ZFAND6: variants seen among roughly 807,000 people sequenced by gnomAD.
ZFAND6 encodes the protein zinc finger AN1-type containing 6.
Under a neutral mutation model 24.5 loss-of-function variants are expected in ZFAND6, and 12 were observed. That is an observed-to-expected ratio of 0.49 (90% CI 0.31 to 0.79). The LOEUF is 0.79. ZFAND6 is among the 30% of genes least tolerant of loss of function. The probability of loss-of-function intolerance (pLI) is 0.04; values close to 1 mark genes in which losing one functional copy is unlikely to be tolerated. For missense variants in ZFAND6, 207 were observed against 245.9 expected (o/e 0.84, Z 1.06); for synonymous variants, 92 against 81.5 (o/e 1.13, Z -0.69).
At position 80,138,036 on chromosome 15, in the gene ZFAND6, A is replaced by C. The variant is rs1567107978; in HGVS notation, c.*408A>C. 1 of 155,268 alleles carries C rather than the reference A, an allele frequency of 6.4e-6. No individual in the cohort carries two copies. The highest frequency in any genetic ancestry group is 1.4e-5 in the Non-Finnish European group (1 of 69,904). 9.6% of individuals were successfully genotyped at this position (155,268 alleles called of 1,614,324 possible). On this transcript the variant is annotated 3_prime_UTR_variant, in exon 7 of 7. Transcript: ENST00000261749. ...CTTTTGATAATGCCCTTTAGGGCAC[A>C]ACTAGTTATCAGTAACTGAATGTAT...
At chr15:80,087,492 A>G (rs2038075530) in intron 1 of ZFAND6, among the ~76,000 whole-genome samples, 1 of 152,184 alleles carries the variant, frequency 6.6e-6, no homozygotes, top group Non-Finnish European at 1.5e-5. Flanking sequence ...TCCTTTTCCC[A>G]GCACGTTTAT....
intron 1 of ZFAND6, among the ~76,000 whole-genome samples, chr15:80,080,842 G>A (rs1054211594): frequency 6.6e-6 from 1 of 152,176 alleles, no homozygotes. Context: ...GGGGTGCGGA[G>A]AGGTACCACA....
intron 2 of ZFAND6, among the ~76,000 whole-genome samples, chr15:80,112,225 G>A (rs1444491307): frequency 1.3e-5 from 2 of 152,010 alleles, no homozygotes; most frequent in African/African-American, 2.4e-5. Flanking sequence ...GCGCCACTGC[G>A]CTCCAGCCTG....
intron 1 of ZFAND6, among the ~76,000 whole-genome samples, chr15:80,080,428 G>T (rs1234372850): frequency 6.6e-6 from 1 of 152,110 alleles, no homozygotes; most frequent in Non-Finnish European, 1.5e-5. Context: ...GCTGTGTTTT[G>T]TCCTATACAT....
chr15:80,127,580 A>T, intron 5 of ZFAND6, among the ~76,000 whole-genome samples: 1 of 125,260 alleles, frequency 8.0e-6, no homozygotes, highest in Admixed American at 9.2e-5. Flanking sequence ...AAAGGGCAAA[A>T]CTCCATCTCA....
intron 1 of ZFAND6, among the ~76,000 whole-genome samples, chr15:80,083,433 TTTATA>T (rs1474440859): frequency 9.2e-5 from 14 of 152,292 alleles, no homozygotes; most frequent in African/African-American, 3.1e-4. Context: ...ATGCAGAGAA[TTTATA>T]TTAAATGATA....
chr15:80,105,328 C>T (rs1288849431), intron 2 of ZFAND6, among the ~76,000 whole-genome samples: 1 of 152,128 alleles, frequency 6.6e-6, no homozygotes, highest in African/African-American at 2.4e-5. Context: ...GAGGCCTATT[C>T]ACAGATCTCC....
At chr15:80,070,649 T>C (rs1335498562) in intron 1 of ZFAND6, among the ~76,000 whole-genome samples, 1 of 151,932 alleles carries the variant, frequency 6.6e-6, no homozygotes, top group African/African-American at 2.4e-5. Context: ...AGATGGAGAG[T>C]GGTCTTGGTG....
At chr15:80,072,261 T>C (rs2037021222) in intron 1 of ZFAND6, among the ~76,000 whole-genome samples, 1 of 152,146 alleles carries the variant, frequency 6.6e-6, no homozygotes, top group African/African-American at 2.4e-5. Flanking sequence ...ATTAAAAGCA[T>C]TGTATTTTAA....
chr15:80,135,888 C>T (rs1480852749), intron 6 of ZFAND6, among the ~76,000 whole-genome samples: 1 of 152,226 alleles, frequency 6.6e-6, no homozygotes, highest in Non-Finnish European at 1.5e-5. Context: ...CACTGGGAGG[C>T]CAAGGTGGGA....
At chr15:80,086,909 A>G (rs1427577437) in intron 1 of ZFAND6, among the ~76,000 whole-genome samples, 2 of 152,242 alleles carry the variant, frequency 1.3e-5, no homozygotes, top group African/African-American at 4.8e-5. Context: ...GTGGAATCAT[A>G]CAATATCTGT....
intron 2 of ZFAND6, 62 bp downstream of exon 2, chr15:80,098,640 T>A (rs1019402716): frequency 5.3e-5 from 8 of 152,262 alleles, no homozygotes; most frequent in South Asian, 2.1e-4. Flanking sequence ...ATTTTTTTTT[T>A]AATTTAAAAT....
intron 2 of ZFAND6, among the ~76,000 whole-genome samples, chr15:80,117,124 CA>C (rs1310079053): frequency 3.9e-5 from 6 of 152,118 alleles, no homozygotes; most frequent in African/African-American, 1.4e-4. Context: ...AGATGCTTGT[CA>C]AGGTTTTTTT....
Position 80,095,658 on chromosome 15 carries a change from T to C in ZFAND6, c.-180-2758T>C, listed in dbSNP as rs141501270. Among the ~76,000 whole-genome samples, 537 of 152,338 alleles carry C rather than the reference T, an allele frequency of 3.5e-3. 2 individuals carry two copies. The highest frequency in any genetic ancestry group is 6.0e-3 in the South Asian group (29 of 4,826). On this transcript the variant is annotated intron_variant, in intron 1 of 6. Transcript: ENST00000261749. Reference sequence around the variant, plus strand: ...AGCTCAGTACCATAGTAGGAACCGCTTTGAGCTGTTGGATTCTTTAGCATT... The same window carrying C: ...AGCTCAGTACCATAGTAGGAACCGCCTTGAGCTGTTGGATTCTTTAGCATT...
intron 1 of ZFAND6, among the ~76,000 whole-genome samples, chr15:80,083,819 G>T (rs2037828740): frequency 6.6e-6 from 1 of 152,160 alleles, no homozygotes; most frequent in Non-Finnish European, 1.5e-5. Flanking sequence ...CTCAGATCAT[G>T]CCATTGCACT....
upstream of ZFAND6, among the ~76,000 whole-genome samples, chr15:80,059,406 G>A (rs1341766884): frequency 6.6e-6 from 1 of 152,246 alleles, no homozygotes; most frequent in Non-Finnish European, 1.5e-5. Flanking sequence ...GCGCCCCAGA[G>A]AGGGCAGTGG....
At chr15:80,126,516 A>G (rs2142034081) in intron 5 of ZFAND6, among the ~76,000 whole-genome samples, 1 of 152,338 alleles carries the variant, frequency 6.6e-6, no homozygotes, top group South Asian at 2.1e-4. Flanking sequence ...ACTTTCAACA[A>G]TGGTGCCAAA....
At chr15:80,107,842 G>C (rs189115271) in intron 2 of ZFAND6, among the ~76,000 whole-genome samples, 4 of 151,110 alleles carry the variant, frequency 2.6e-5, no homozygotes, top group Admixed American at 2.6e-4. Context: ...AGAGGGGAGA[G>C]GGGAAGGGAG....
intron 1 of ZFAND6, among the ~76,000 whole-genome samples, chr15:80,064,388 C>G (rs1026384386): frequency 3.3e-5 from 5 of 152,248 alleles, no homozygotes; most frequent in African/African-American, 1.2e-4. Context: ...ATCTTTCCTT[C>G]CCTTTCTATA....
Sources: gnomAD v4.1 joint callset for allele counts (sites outside exome capture counted in the v4.1 genomes callset) on GRCh38, gnomAD v4.1.1 for gene constraint, MANE v1.5 for transcripts, NCBI Gene and HGNC (gene_info 2026-07-23, HGNC 2026-07-21) for gene names.